The following TMEM131 variants were observed in gnomAD, a reference collection of about 807,000 sequenced individuals.
The protein encoded by TMEM131 is transmembrane protein 131.
A neutral mutation model predicts 211.6 loss-of-function variants in TMEM131; 66 were observed. The observed-to-expected ratio is 0.31, with a 90% confidence interval of 0.26 to 0.38. The LOEUF (loss-of-function observed/expected upper bound fraction) is 0.38. Ranked by LOEUF, TMEM131 falls within the 10% of genes least tolerant of loss-of-function variation. TMEM131 has a pLI of 1.00. For synonymous variants in TMEM131, 844 were observed against 841.3 expected (o/e 1.00, Z -0.06); for missense variants, 2,036 against 2,299.3 (o/e 0.89, Z 2.34).
chr2:97,759,493 TGAGG>T, intron 39 of TMEM131, 155 bp downstream of exon 39: 1 of 627,334 alleles, frequency 1.6e-6, no homozygotes, highest in Non-Finnish European at 2.8e-6. Context: ...CTGGTGTGGA[TGAGG>T]GAGGAAGAGG....
intron 31 of TMEM131, among the ~76,000 whole-genome samples, chr2:97,777,820 A>ACCAAACCAAG (rs976230144): frequency 2.0e-5 from 3 of 152,018 alleles, no homozygotes; most frequent in Non-Finnish European, 2.9e-5. Flanking sequence ...GCCTCAAAAA[A>ACCAAACCAAG]CCAAACCAAG....
Position 97,779,221 on chromosome 2 carries a change from A to G in TMEM131, c.4145-3203T>C, listed in dbSNP as rs188302158. ...CCAGGCTAGGAGCTACTTCAGGGCC[A>G]TGTATGATTTCTTCTGCTGTTTGGA... On this transcript the variant is annotated intron_variant, in intron 31 of 40. Coordinates refer to ENST00000186436, the MANE Select transcript of TMEM131 (RefSeq NM_015348.2). Among the ~76,000 whole-genome samples, 305 of 152,322 alleles carry G rather than the reference A, an allele frequency of 2.0e-3. 1 individual carries two copies. Among genetic ancestry groups the G allele is most frequent in the Non-Finnish European group, 3.2e-3 (217 of 68,028 alleles).
At chr2:97,928,900 A>C (rs914806462) in intron 1 of TMEM131, among the ~76,000 whole-genome samples, 2 of 151,818 alleles carry the variant, frequency 1.3e-5, no homozygotes, top group Non-Finnish European at 2.9e-5. Context: ...TGTTTAGTGA[A>C]ACATATACAT....
intron 5 of TMEM131, among the ~76,000 whole-genome samples, chr2:97,855,991 T>G (rs1003698247): frequency 1.2e-4 from 19 of 152,160 alleles, no homozygotes; most frequent in African/African-American, 4.6e-4. Context: ...ATAAGTGAAC[T>G]ATAACATTTT....
At chr2:97,878,575 T>C (rs1455765206) in intron 4 of TMEM131, among the ~76,000 whole-genome samples, 1 of 152,202 alleles carries the variant, frequency 6.6e-6, no homozygotes, top group Non-Finnish European at 1.5e-5. Context: ...GAAATCATCA[T>C]TCTCAGCAAA....
chr2:97,868,812 C>T (rs1674376727), intron 4 of TMEM131, among the ~76,000 whole-genome samples: 1 of 152,156 alleles, frequency 6.6e-6, no homozygotes, highest in African/African-American at 2.4e-5. Flanking sequence ...CCAAGAAGCA[C>T]TCAAATTGTT....
At chr2:97,816,621 A>T (rs1681840486) in intron 12 of TMEM131, among the ~76,000 whole-genome samples, 1 of 152,194 alleles carries the variant, frequency 6.6e-6, no homozygotes, top group Non-Finnish European at 1.5e-5. Context: ...TCCATTTTAA[A>T]AATTCCCATT....
chr2:97,972,154 GC>G (rs1679324949), intron 1 of TMEM131, among the ~76,000 whole-genome samples: 1 of 152,164 alleles, frequency 6.6e-6, no homozygotes, highest in South Asian at 2.1e-4. Context: ...GCTGCAGTGA[GC>G]CGAGATCTGC....
intron 3 of TMEM131, among the ~76,000 whole-genome samples, chr2:97,896,950 T>G (rs909640388): frequency 2.6e-5 from 4 of 152,100 alleles, no homozygotes; most frequent in Non-Finnish European, 5.9e-5. Flanking sequence ...ATCTTCACAG[T>G]CTTCTAATCC....
chr2:97,809,564 T>C, intron 19 of TMEM131, 124 bp downstream of exon 19: 2 of 696,278 alleles, frequency 2.9e-6, no homozygotes, highest in East Asian at 2.8e-5. Flanking sequence ...GAACCTGGTA[T>C]AATGTCTTTA....
At chr2:97,985,903 A>G (rs1680005884) in intron 1 of TMEM131, among the ~76,000 whole-genome samples, 1 of 152,084 alleles carries the variant, frequency 6.6e-6, no homozygotes. Context: ...TGGTGAATAT[A>G]TAATCTTTAG....
chr2:97,769,623 T>A (rs1679367695), intron 33 of TMEM131, among the ~76,000 whole-genome samples: 1 of 152,254 alleles, frequency 6.6e-6, no homozygotes, highest in Non-Finnish European at 1.5e-5. Flanking sequence ...ATGATTAATC[T>A]ACTTCTTTTG....
In TMEM131 at chr2:97,762,319, C is replaced by T. The variant is rs77939535; in HGVS notation, c.4724-119G>A. ...CAAGCCCTTCTACAAAGAAAACAAA[C>T]GAAAGCTCTTAGATGTGTTCTGTTT... On this transcript the variant is annotated intron_variant, in intron 35 of 40. Transcript: ENST00000186436. The T allele has an allele frequency of 8.7e-4, 882 of 1,012,940 alleles. 7 individuals carry two copies. The East Asian group carries it at 0.016, about 19-fold the overall frequency. 62.7% of individuals were successfully genotyped at this position (1,012,940 alleles called of 1,614,324 possible). A position where few individuals can be genotyped will look rare whatever the true frequency, so the allele number is the denominator to read the frequency against.
chr2:97,938,964 T>C (rs945115341), intron 1 of TMEM131, among the ~76,000 whole-genome samples: 1 of 152,144 alleles, frequency 6.6e-6, no homozygotes, highest in African/African-American at 2.4e-5. Context: ...GAAATAAAGA[T>C]GTTCTTTGAA....
chr2:97,794,313 GGTGTGAGCCACC>G (rs1680657305), intron 29 of TMEM131, among the ~76,000 whole-genome samples: 1 of 152,118 alleles, frequency 6.6e-6, no homozygotes, highest in Admixed American at 6.6e-5. Flanking sequence ...TGGGAATACA[GGTGTGAGCCACC>G]GTGCCCGGCC....
intron 4 of TMEM131, among the ~76,000 whole-genome samples, chr2:97,871,272 C>T (rs1199752072): frequency 6.6e-6 from 1 of 152,226 alleles, no homozygotes; most frequent in Non-Finnish European, 1.5e-5. Flanking sequence ...TTGACGCCAT[C>T]TTGCTTCTGA....
intron 1 of TMEM131, among the ~76,000 whole-genome samples, chr2:97,968,048 T>C (rs1679134219): frequency 6.6e-6 from 1 of 152,098 alleles, no homozygotes; most frequent in Non-Finnish European, 1.5e-5. Flanking sequence ...CACTAAGTCC[T>C]GTCCCCAGCA....
At chr2:97,957,920 T>A (rs1487966486) in intron 1 of TMEM131, among the ~76,000 whole-genome samples, 5 of 152,116 alleles carry the variant, frequency 3.3e-5, no homozygotes. Context: ...AAGGAACTCA[T>A]ACACTGAGAT....
At chr2:97,950,799 A>G (rs1246005333) in intron 1 of TMEM131, among the ~76,000 whole-genome samples, 2 of 152,158 alleles carry the variant, frequency 1.3e-5, no homozygotes, top group African/African-American at 4.8e-5. Context: ...AACACTGTGG[A>G]ATGAAAAACT....
Sources: gnomAD v4.1 joint callset for allele counts (sites outside exome capture counted in the v4.1 genomes callset) on GRCh38, gnomAD v4.1.1 for gene constraint, MANE v1.5 for transcripts, NCBI Gene and HGNC (gene_info 2026-07-23, HGNC 2026-07-21) for gene names.